The following LMO7 variants were observed in gnomAD, a reference collection of about 807,000 sequenced individuals.
The protein encoded by LMO7 is LIM domain 7.
In LMO7, 120 loss-of-function variants were observed where a neutral mutation model predicts 206.5. The ratio of observed to expected loss-of-function variants is 0.58; its 90% CI spans 0.50 to 0.68. The LOEUF (loss-of-function observed/expected upper bound fraction) is 0.68. Among genes scored for constraint, LMO7 ranks in the 30% least tolerant of loss-of-function variants. The pLI is 0.00. For missense variants in LMO7, 1,959 were observed against 1,957.9 expected, an observed-to-expected ratio of 1.00 and a Z score of -0.01; for synonymous variants, 706 against 681.5, an observed-to-expected ratio of 1.04 and a Z score of -0.56.
chr13:75,721,156 A>T (rs1473875328), intron 2 of LMO7, among the ~76,000 whole-genome samples: 1 of 152,190 alleles, frequency 6.6e-6, no homozygotes, highest in Non-Finnish European at 1.5e-5. Context: ...GGCAACAAAA[A>T]AATACTAGGG....
chr13:75,832,913 A>G, intron 15 of LMO7, 138 bp from the exon 16 acceptor site: 1 of 538,480 alleles, frequency 1.9e-6, no homozygotes, highest in Non-Finnish European at 3.4e-6. Flanking sequence ...AACCTAAGGA[A>G]GAAAGAATGA....
chr13:75,746,335 T>G (rs989302870), intron 3 of LMO7, among the ~76,000 whole-genome samples: 16 of 152,068 alleles, frequency 1.1e-4, no homozygotes, highest in African/African-American at 3.9e-4. Context: ...ATGGAAAAGA[T>G]GGTAAAAGGG....
intron 1 of LMO7, 115 bp downstream of exon 1, chr13:75,636,841 C>G (rs946782817): frequency 9.8e-7 from 1 of 1,025,118 alleles, no homozygotes; most frequent in Non-Finnish European, 1.5e-6. Flanking sequence ...GCGACCCAGC[C>G]GACGTGAACA....
chr13:75,662,672 A>C (rs1227151232), intron 1 of LMO7, among the ~76,000 whole-genome samples: 2 of 149,088 alleles, frequency 1.3e-5, no homozygotes, highest in African/African-American at 4.9e-5. Context: ...AACTTATGGA[A>C]TTTTTAGAAG....
intron 1 of LMO7, among the ~76,000 whole-genome samples, chr13:75,647,069 GT>G (rs1208355419): frequency 1.1e-4 from 4 of 35,346 alleles, no homozygotes; most frequent in Non-Finnish European, 2.0e-4. Context: ...ATACATAGGT[GT>G]GTGTGTGTGT....
intron 1 of LMO7, among the ~76,000 whole-genome samples, chr13:75,649,967 G>C (rs1023722398): frequency 6.6e-5 from 10 of 152,006 alleles, no homozygotes; most frequent in African/African-American, 2.4e-4. Context: ...CAGGGTTTTA[G>C]TTCACAATAC....
At chr13:75,788,570 C>T (rs2052784999) in intron 4 of LMO7, among the ~76,000 whole-genome samples, 1 of 151,816 alleles carries the variant, frequency 6.6e-6, no homozygotes, top group South Asian at 2.1e-4. Context: ...ACATATCTTA[C>T]ATATTTAAAC....
At position 75,674,008 on chromosome 13, in the gene LMO7, G is replaced by C. The variant is rs914084951; in HGVS notation, c.69+37282G>C. Among the ~76,000 whole-genome samples the C allele has an allele frequency of 8.5e-5, 13 of 152,092 alleles. No individual in the cohort carries two copies. In the South Asian group the frequency reaches 2.1e-3, roughly 24 times the overall value. On this transcript the variant is annotated intron_variant, in intron 1 of 30. Transcript: ENST00000377534. ...AAATCATAGTTCTAGTTTCTTCTTT[G>C]GCTTTTAGTCATTTTAAACTTTCAA...
rs1394265574 is a variant in LMO7 at position 75,774,747 on chromosome 13, T to C, written c.317+13709T>C. Among the ~76,000 whole-genome samples the C allele has an allele frequency of 2.0e-5, 3 of 152,152 alleles. No individual in the cohort carries two copies. The East Asian group carries it at 5.8e-4, about 29-fold the overall frequency. On this transcript the variant is annotated intron_variant, in intron 4 of 30. Transcript: ENST00000377534. ...TTGAATTATAAAACTTCCTTATATATTGTGGTTAGAAGCCCTTTGTTAGAT... is the reference window on the plus strand; with the variant it reads ...TTGAATTATAAAACTTCCTTATATACTGTGGTTAGAAGCCCTTTGTTAGAT...
At position 75,804,356 on chromosome 13, in the gene LMO7, G is replaced by A. The variant is rs762358392; in HGVS notation, c.729G>A (p.Ser243=). The stretch of plus-strand genomic sequence containing the variant: ...AGGATTATAATAAAGATGATATGTC[G>A]TATCGAAGGATTTCGGCTGTTGAGC... ...KMQDYNKDDM[S]YRRISAVEPK... Residue 243 remains serine, a synonymous_variant, in exon 8 of 31, where the codon TCG becomes TCA. Transcript: ENST00000377534. 4.8e-5 allele frequency: 78 copies of A among 1,613,872 alleles called. No individual in the cohort carries two copies. Among genetic ancestry groups the A allele is most frequent in the Middle Eastern group, 1.6e-4 (1 of 6,084 alleles).
Position 75,807,954 on chromosome 13 carries a change from T to C in LMO7, c.1671T>C (p.Phe557=), listed in dbSNP as rs2055763862. Residue 557 remains phenylalanine (F), a synonymous_variant, in exon 10 of 31, where the codon TTT becomes TTC. Transcript: ENST00000377534. The stretch of plus-strand genomic sequence containing the variant: ...TTCCTCCAGAAATTCAAGCAAAATT[T>C]CTCTGTGTACTTGAAAGGACATGCC... ...WTLPPEIQAK[F]LCVLERTCPS... 6.2e-7 allele frequency: 1 copy of C among 1,613,832 alleles called. No individual in the cohort carries two copies. Among genetic ancestry groups the C allele is most frequent in the African/African-American group, 1.3e-5 (1 of 74,898 alleles).
At chr13:75,832,778 C>T (rs2058780037) in intron 15 of LMO7, among the ~76,000 whole-genome samples, 1 of 152,112 alleles carries the variant, frequency 6.6e-6, no homozygotes, top group Admixed American at 6.6e-5. Flanking sequence ...GAAACCTAAG[C>T]TTATCCACGG....
chr13:75,832,598 G>A (rs1430743275), intron 15 of LMO7, among the ~76,000 whole-genome samples: 7 of 152,184 alleles, frequency 4.6e-5, no homozygotes, highest in Non-Finnish European at 2.9e-5. Context: ...GCTAAATTAT[G>A]TGTCTGTGAA....
chr13:75,835,029 A>G (rs1252172131), intron 17 of LMO7: 10 of 513,042 alleles, frequency 1.9e-5, no homozygotes, highest in Non-Finnish European at 3.1e-5. Flanking sequence ...TTTATTTCAC[A>G]CGCTGCCTGA....
At chr13:75,780,117 G>A (rs2051101919) in intron 4 of LMO7, among the ~76,000 whole-genome samples, 1 of 152,202 alleles carries the variant, frequency 6.6e-6, no homozygotes. Context: ...CAAGGCCAGG[G>A]TGAAATTAGA....
At chr13:75,653,246 C>T (rs992905067) in intron 1 of LMO7, among the ~76,000 whole-genome samples, 2 of 152,202 alleles carry the variant, frequency 1.3e-5, no homozygotes. Context: ...GCAACTGTGT[C>T]CTGCAAATAA....
intron 2 of LMO7, among the ~76,000 whole-genome samples, chr13:75,624,997 A>G (rs1428682692): frequency 6.6e-6 from 1 of 152,226 alleles, no homozygotes; most frequent in Non-Finnish European, 1.5e-5. Context: ...GGTGGTCGGC[A>G]TGAGAAATGC....
intron 3 of LMO7, among the ~76,000 whole-genome samples, chr13:75,734,926 T>C (rs1174342259): frequency 3.3e-5 from 5 of 152,214 alleles, no homozygotes; most frequent in Non-Finnish European, 7.4e-5. Context: ...GGTGAAACCC[T>C]GTCTCTACTA....
intron 2 of LMO7, among the ~76,000 whole-genome samples, chr13:75,725,729 C>A (rs560661127): frequency 6.6e-6 from 1 of 151,954 alleles, no homozygotes; most frequent in East Asian, 1.9e-4. Context: ...TAGGAAATTG[C>A]GTTGAGAGAA....
Sources: gnomAD v4.1 joint callset for allele counts (sites outside exome capture counted in the v4.1 genomes callset) on GRCh38, gnomAD v4.1.1 for gene constraint, MANE v1.5 for transcripts, NCBI Gene and HGNC (gene_info 2026-07-23, HGNC 2026-07-21) for gene names.